Variants in HIRA observed in about 807,000 individuals in gnomAD.
HIRA encodes the protein histone cell cycle regulator, also known as protein HIRA.
A neutral mutation model predicts 126.6 loss-of-function variants in HIRA; 13 were observed. That is an observed-to-expected ratio of 0.10 (90% confidence interval 0.07 to 0.16). The LOEUF (loss-of-function observed/expected upper bound fraction) is 0.16, where lower values mean the gene tolerates loss of function less well. Among genes scored for constraint, HIRA ranks in the 10% least tolerant of loss-of-function variants. HIRA has a pLI of 1.00. For missense variants in HIRA, 834 were observed against 1,314.4 expected, an observed-to-expected ratio of 0.63 and a Z score of 5.65; for synonymous variants, 511 against 520.0, an observed-to-expected ratio of 0.98 and a Z score of 0.24.
chr22:19,397,914 A>G lies in HIRA; in HGVS notation c.493+78T>C, dbSNP rs867265883. Reference sequence around the variant, plus strand: ...GACACATCTGTTGCCACCAAGACTAAGGAGACAGCCCAACCCCTGCTCCAG... The same window carrying G: ...GACACATCTGTTGCCACCAAGACTAGGGAGACAGCCCAACCCCTGCTCCAG... On this transcript the variant is annotated intron_variant, in intron 6 of 24. Coordinates refer to ENST00000263208, the MANE Select transcript of HIRA (RefSeq NM_003325.4). The G allele has an allele frequency of 1.4e-5, 14 of 997,024 alleles. No individual in the cohort carries two copies. The Middle Eastern group carries it at 1.6e-3, about 113-fold the overall frequency. The allele number at this position is 997,024 out of a possible 1,614,324, so 61.8% of individuals were successfully genotyped here. A position where few individuals can be genotyped will look rare whatever the true frequency, so the allele number is the denominator to read the frequency against.
In HIRA at chr22:19,396,929, C is replaced by T; in HGVS notation, c.512G>A (p.Arg171Lys). 1 of 1,614,118 alleles carries T rather than the reference C, an allele frequency of 6.2e-7. No homozygotes were observed. The highest frequency in any genetic ancestry group is 8.5e-7 in the Non-Finnish European group (1 of 1,179,978). Reference sequence around the variant, plus strand: ...CCCTTTGACCAAGCCAGAATGACCTCTCAGAGTAGCTAGAATTTCTGTGAA... The same window carrying T: ...CCCTTTGACCAAGCCAGAATGACCTTTCAGAGTAGCTAGAATTTCTGTGAA... ...VKFPEILATL[R>K]GHSGLVKGLT... The change falls in exon 7 of 25, where the codon AGA becomes AAA. Residue 171 changes from arginine (R) to lysine (K), a missense_variant. Arg to Lys is a conservative substitution (Grantham distance 26, BLOSUM62 2). Coordinates refer to ENST00000263208, the MANE Select transcript of HIRA (RefSeq NM_003325.4).
At chr22:19,408,309 C>G (rs972091850) in intron 3 of HIRA, among the ~76,000 whole-genome samples, 174 bp downstream of exon 3, 1 of 152,146 alleles carries the variant, frequency 6.6e-6, no homozygotes, top group African/African-American at 2.4e-5. Context: ...GTGGGCGGGC[C>G]GAGTCTTCTG....
Position 19,407,215 on chromosome 22 carries a change from C to G in HIRA, c.271G>C (p.Asp91His). 1 of 1,613,962 alleles carries G rather than the reference C, an allele frequency of 6.2e-7. No homozygotes were observed. The highest frequency in any genetic ancestry group is 8.5e-7 in the Non-Finnish European group (1 of 1,179,916). Residue 91 changes from aspartate to histidine, a missense_variant, in exon 4 of 25, where the codon GAC becomes CAC. Physicochemically the swap from Asp to His is moderately conservative, Grantham distance 81. Coordinates refer to ENST00000263208, the MANE Select transcript of HIRA (RefSeq NM_003325.4). ...CGCTTCCACACCATAATCAGTTTGT[C>G]ATCTCCCCCAGAAGCTAAATACATC... ...SGMYLASGGDDKLIMVWKRAT... is the reference protein window; with the variant it reads ...SGMYLASGGDHKLIMVWKRAT...
chr22:19,365,845 C>CAA (rs376349402), intron 15 of HIRA: 8 of 151,930 alleles, frequency 5.3e-5, no homozygotes, highest in African/African-American at 1.9e-4. Flanking sequence ...TGCGCTATGC[C>CAA]AATTGGGTGT....
chr22:19,360,758 T>C lies in HIRA; in HGVS notation c.2085+479A>G, dbSNP rs2238765. On this transcript the variant is annotated intron_variant, in intron 17 of 24. Transcript: ENST00000263208. ...ATTTACTCCAGAATTGTGTTTTGGATAACCACATGCTTACAAGCTTCCATT... is the reference window on the plus strand; with the variant it reads ...ATTTACTCCAGAATTGTGTTTTGGACAACCACATGCTTACAAGCTTCCATT... 9.9e-3 allele frequency among the ~76,000 whole-genome samples: 1,505 copies of C among 152,366 alleles called. 65 individuals carry two copies. Among genetic ancestry groups the C allele is most frequent in the East Asian group, 0.096 (496 of 5,186 alleles).
chr22:19,379,086 G>A (rs946905152), intron 13 of HIRA, among the ~76,000 whole-genome samples: 37 of 150,820 alleles, frequency 2.5e-4, no homozygotes, highest in African/African-American at 9.0e-4. Flanking sequence ...GGAGTGCAGT[G>A]GCGCGATCTC....
intron 1 of HIRA, among the ~76,000 whole-genome samples, chr22:19,420,947 A>C (rs545218677): frequency 1.3e-5 from 2 of 152,246 alleles, no homozygotes; most frequent in Non-Finnish European, 2.9e-5. Context: ...AAAATCTGCT[A>C]GCTCAACAAT....
At chr22:19,408,971 A>C (rs2089328949) in intron 2 of HIRA, among the ~76,000 whole-genome samples, 1 of 152,176 alleles carries the variant, frequency 6.6e-6, no homozygotes, top group South Asian at 2.1e-4. Context: ...TGAAATGAGG[A>C]GAAGGGAAAG....
intron 5 of HIRA, among the ~76,000 whole-genome samples, chr22:19,404,611 C>T (rs1296010482): frequency 1.3e-5 from 2 of 152,116 alleles, no homozygotes; most frequent in Admixed American, 6.6e-5. Flanking sequence ...CATACACTAA[C>T]AATGGATTAT....
intron 19 of HIRA, 135 bp downstream of exon 19, chr22:19,356,755 A>G (rs900270030): frequency 1.1e-4 from 88 of 835,040 alleles, no homozygotes; most frequent in Non-Finnish European, 2.2e-5. Flanking sequence ...CAATATCACT[A>G]ACTGCTCAGG....
chr22:19,394,230 T>A, intron 8 of HIRA, 112 bp downstream of exon 8: 1 of 1,294,520 alleles, frequency 7.7e-7, no homozygotes, highest in Non-Finnish European at 1.1e-6. Context: ...GTACATACTC[T>A]ATTTTGTAAA....
At chr22:19,382,177 C>T (rs181670681) in intron 13 of HIRA, among the ~76,000 whole-genome samples, 1 of 152,274 alleles carries the variant, frequency 6.6e-6, no homozygotes, top group Non-Finnish European at 1.5e-5. Flanking sequence ...GGGCAAAAAG[C>T]TTTTAATACC....
intron 2 of HIRA, among the ~76,000 whole-genome samples, chr22:19,409,482 C>T (rs2146243567): frequency 6.6e-6 from 1 of 152,202 alleles, no homozygotes; most frequent in Non-Finnish European, 1.5e-5. Flanking sequence ...CGGGGTTTCG[C>T]CATGTTGGCC....
chr22:19,347,573 A>C (rs544612314), intron 24 of HIRA, among the ~76,000 whole-genome samples: 1 of 152,344 alleles, frequency 6.6e-6, no homozygotes, highest in South Asian at 2.1e-4. Flanking sequence ...GAAGACAGAG[A>C]TCCAAAGAGG....
In HIRA at chr22:19,359,427, C is replaced by A; in HGVS notation, c.2143G>T (p.Gly715Cys). Reference sequence around the variant, plus strand: ...CACTTCAGGCGGCTCAGCTTCACGCCCCCCACCACTGTCACTTCATTCTCC... The same window carrying A: ...CACTTCAGGCGGCTCAGCTTCACGCACCCCACCACTGTCACTTCATTCTCC... ...EVENEVTVVG[G>C]VKLSRLKCNR... Residue 715 changes from glycine to cysteine, a missense_variant, in exon 18 of 25, where the codon GGC (glycine) becomes TGC (cysteine). Coordinates refer to ENST00000263208, the MANE Select transcript of HIRA (RefSeq NM_003325.4). The A allele has an allele frequency of 6.2e-7, 1 of 1,610,080 alleles. No homozygotes were observed. Among genetic ancestry groups the A allele is most frequent in the Non-Finnish European group, 8.5e-7 (1 of 1,178,416 alleles).
intron 24 of HIRA, among the ~76,000 whole-genome samples, chr22:19,348,742 C>T (rs915787159): frequency 2.0e-5 from 3 of 151,998 alleles, no homozygotes; most frequent in Non-Finnish European, 4.4e-5. Context: ...TGATCCGACC[C>T]CCTTGGCCTC....
At chr22:19,421,506 G>GT (rs2089446179) in intron 1 of HIRA, among the ~76,000 whole-genome samples, 1 of 152,104 alleles carries the variant, frequency 6.6e-6, no homozygotes, top group Non-Finnish European at 1.5e-5. Context: ...TCACCCAGTT[G>GT]TTTTTTTCCA....
At chr22:19,350,511 A>G (rs1329613869) in intron 24 of HIRA, among the ~76,000 whole-genome samples, 1 of 151,986 alleles carries the variant, frequency 6.6e-6, no homozygotes, top group Non-Finnish European at 1.5e-5. Context: ...TCCACATCCA[A>G]CCACCCATCA....
chr22:19,430,613 C>CT (rs1245471009), intron 1 of HIRA, among the ~76,000 whole-genome samples: 1 of 147,524 alleles, frequency 6.8e-6, no homozygotes, highest in Non-Finnish European at 1.5e-5. Context: ...GATTTCTGTG[C>CT]TACAGTGCTG....
Sources: gnomAD v4.1 joint callset for allele counts (sites outside exome capture counted in the v4.1 genomes callset) on GRCh38, gnomAD v4.1.1 for gene constraint, MANE v1.5 for transcripts, NCBI Gene and HGNC (gene_info 2026-07-23, HGNC 2026-07-21) for gene names.